KCNMB2: variants seen among roughly 807,000 people sequenced by gnomAD.
KCNMB2 encodes the protein calcium-activated potassium channel subunit beta-2.
Under a neutral mutation model 24.5 loss-of-function variants are expected in KCNMB2, and 9 were observed. The observed-to-expected ratio is 0.37, with a 90% CI of 0.22 to 0.64. KCNMB2 has a LOEUF of 0.64. KCNMB2 is among the 30% of genes least tolerant of loss of function. The pLI, the probability that KCNMB2 is intolerant of heterozygous loss-of-function variation, is 0.63. For synonymous variants in KCNMB2, 109 were observed against 104.4 expected (o/e 1.04, Z -0.27); for missense variants, 226 against 284.3 (o/e 0.79, Z 1.47).
chr3:178,695,077 C>T (rs1462222051), intron 1 of KCNMB2, among the ~76,000 whole-genome samples: 2 of 152,232 alleles, frequency 1.3e-5, no homozygotes, highest in Non-Finnish European at 1.5e-5. Flanking sequence ...GGCAGAGGTT[C>T]CCAAACCTCA....
At chr3:178,819,049 G>A (rs1714519652) in intron 2 of KCNMB2, among the ~76,000 whole-genome samples, 1 of 152,172 alleles carries the variant, frequency 6.6e-6, no homozygotes. Flanking sequence ...AACCACCTTT[G>A]AGCTTGTAAA....
chr3:178,663,830 A>G (rs568601567), intron 1 of KCNMB2, among the ~76,000 whole-genome samples: 4 of 152,136 alleles, frequency 2.6e-5, no homozygotes. Context: ...CTATCTTAGC[A>G]TGGTGCAAAG....
chr3:178,569,908 A>T (rs540363213), intron 1 of KCNMB2, among the ~76,000 whole-genome samples: 4 of 152,212 alleles, frequency 2.6e-5, no homozygotes, highest in African/African-American at 9.6e-5. Flanking sequence ...TCCCTGATTT[A>T]TAAAGGAAAG....
intron 1 of KCNMB2, among the ~76,000 whole-genome samples, chr3:178,699,994 G>A (rs541467626): frequency 6.6e-6 from 1 of 152,322 alleles, no homozygotes; most frequent in Non-Finnish European, 1.5e-5. Flanking sequence ...GTCCCAGTGT[G>A]CAATGGCCCA....
chr3:178,590,750 G>A (rs1211600157), intron 1 of KCNMB2, among the ~76,000 whole-genome samples: 1 of 152,188 alleles, frequency 6.6e-6, no homozygotes, highest in Non-Finnish European at 1.5e-5. Flanking sequence ...TTCAAACTAA[G>A]AGTACATCAT....
Position 178,754,177 on chromosome 3 carries a change from T to TATATATATACAC in KCNMB2, c.-67-53165_-67-53164insTATATATACACA, listed in dbSNP as rs1435109631. ...ATATATATATATATATATATATATA[T>TATATATATACAC]ACACACACACACACATACATATATA... On this transcript the variant is annotated intron_variant, in intron 1 of 4. Transcript: ENST00000452583. 2.1e-3 allele frequency among the ~76,000 whole-genome samples: 246 copies of TATATATATACAC among 117,180 alleles called. 3 individuals carry two copies. The highest frequency in any genetic ancestry group is 4.5e-3 in the African/African-American group (120 of 26,892). The allele number at this position is 117,180 out of a possible 152,430, so 76.9% of individuals were successfully genotyped here.
At chr3:178,710,416 A>G (rs1722414319) in intron 1 of KCNMB2, among the ~76,000 whole-genome samples, 1 of 152,184 alleles carries the variant, frequency 6.6e-6, no homozygotes, top group Admixed American at 6.5e-5. Context: ...GACTTTGGAG[A>G]GAACCTTATT....
intron 1 of KCNMB2, among the ~76,000 whole-genome samples, chr3:178,801,106 A>C (rs1359146478): frequency 6.6e-6 from 1 of 152,294 alleles, no homozygotes; most frequent in Non-Finnish European, 1.5e-5. Flanking sequence ...AATAAGATCT[A>C]GTATTTAATA....
In KCNMB2 at chr3:178,772,245, T is replaced by A. The variant is rs868145889; in HGVS notation, c.-67-35098T>A. Among the ~76,000 whole-genome samples, 8 of 152,202 alleles carry A rather than the reference T, an allele frequency of 5.3e-5. No individual in the cohort carries two copies. The South Asian group carries it at 1.7e-3, about 32-fold the overall frequency. On this transcript the variant is annotated intron_variant, in intron 1 of 4. Transcript: ENST00000452583. Reference sequence around the variant, plus strand: ...AGCTTGAACCATATGACACTGCCTTTTATGTAGGTAGAAAATGGTCAAATG... The same window carrying A: ...AGCTTGAACCATATGACACTGCCTTATATGTAGGTAGAAAATGGTCAAATG...
chr3:178,614,315 GTGTA>G (rs1449762085), intron 1 of KCNMB2, among the ~76,000 whole-genome samples: 45 of 102,428 alleles, frequency 4.4e-4, no homozygotes, highest in African/African-American at 1.4e-3. Flanking sequence ...ATATATGTAT[GTGTA>G]TATATATATG....
rs898531248 is a variant in KCNMB2 at position 178,733,617 on chromosome 3, A to G, written c.-67-73726A>G. On this transcript the variant is annotated intron_variant, in intron 1 of 4. Coordinates refer to ENST00000452583, the MANE Select transcript of KCNMB2 (RefSeq NM_181361.3). ...TGCCTCAGCCTCCCTAGTAGCTGGG[A>G]CTACAGGTGCATGCCACCATGCCCA... Among the ~76,000 whole-genome samples, 9 of 152,172 alleles carry G rather than the reference A, an allele frequency of 5.9e-5. No individual in the cohort carries two copies. The South Asian group carries it at 8.3e-4, about 14-fold the overall frequency.
intron 1 of KCNMB2, among the ~76,000 whole-genome samples, chr3:178,568,489 A>G (rs1352928892): frequency 6.6e-6 from 1 of 152,190 alleles, no homozygotes; most frequent in East Asian, 1.9e-4. Context: ...TTGAACACTC[A>G]TAATGTCAGA....
chr3:178,548,659 C>T (rs1002759103), intron 1 of KCNMB2, among the ~76,000 whole-genome samples: 1 of 152,194 alleles, frequency 6.6e-6, no homozygotes, highest in African/African-American at 2.4e-5. Flanking sequence ...TTAAATAGAG[C>T]CTCCCCTTAA....
At chr3:178,729,688 T>C (rs1315181100) in intron 1 of KCNMB2, among the ~76,000 whole-genome samples, 1 of 152,214 alleles carries the variant, frequency 6.6e-6, no homozygotes, top group Non-Finnish European at 1.5e-5. Context: ...TTTCCAGGCA[T>C]ATTTTACACT....
At chr3:178,660,630 T>C (rs1438964652) in intron 1 of KCNMB2, among the ~76,000 whole-genome samples, 3 of 149,706 alleles carry the variant, frequency 2.0e-5, no homozygotes, top group Non-Finnish European at 3.0e-5. Flanking sequence ...ATATCTTTCA[T>C]ACATAATCAC....
At chr3:178,788,492 G>GA (rs1314869648) in intron 1 of KCNMB2, among the ~76,000 whole-genome samples, 2 of 152,050 alleles carry the variant, frequency 1.3e-5, no homozygotes, top group African/African-American at 4.8e-5. Context: ...CCCCCAAATG[G>GA]AAAAAACTAA....
At chr3:178,747,246 T>C (rs13096550) in intron 1 of KCNMB2, 19,975 of 152,302 alleles carry the variant, frequency 0.13, 1,416 homozygotes, top group African/African-American at 0.15. Context: ...GAGAGAGCAC[T>C]TGTGCAGGGG....
chr3:178,803,832 A>C (rs947123100), intron 1 of KCNMB2, among the ~76,000 whole-genome samples: 2 of 152,204 alleles, frequency 1.3e-5, no homozygotes, highest in Admixed American at 1.3e-4. Flanking sequence ...GAATCATGGA[A>C]ACAGAAACTA....
chr3:178,584,542 A>AAG (rs1717352409), intron 1 of KCNMB2, among the ~76,000 whole-genome samples: 1 of 151,958 alleles, frequency 6.6e-6, no homozygotes, highest in Admixed American at 6.6e-5. Flanking sequence ...AGTGCCTGGC[A>AAG]CATGCTAAGT....
Sources: gnomAD v4.1 joint callset for allele counts (sites outside exome capture counted in the v4.1 genomes callset) on GRCh38, gnomAD v4.1.1 for gene constraint, MANE v1.5 for transcripts, NCBI Gene and HGNC (gene_info 2026-07-23, HGNC 2026-07-21) for gene names.